Variants in SGTA observed in about 807,000 individuals in gnomAD.
The protein encoded by SGTA is small glutamine rich tetratricopeptide repeat co-chaperone alpha.
In SGTA, 22 loss-of-function variants were observed where a neutral mutation model predicts 44.3. The observed-to-expected ratio is 0.50, with a 90% confidence interval of 0.36 to 0.71. The LOEUF (loss-of-function observed/expected upper bound fraction) is 0.71. Ranked by LOEUF, SGTA falls within the 30% of genes least tolerant of loss-of-function variation. The probability of loss-of-function intolerance (pLI) is 0.00; values close to 1 mark genes in which losing one functional copy is unlikely to be tolerated. For synonymous variants in SGTA, 174 were observed against 177.6 expected (o/e 0.98, Z 0.16); for missense variants, 341 against 435.9 (o/e 0.78, Z 1.94).
rs1201302362 is a variant in SGTA at position 2,755,779 on chromosome 19, G to A, written c.*161C>T. The A allele has an allele frequency of 4.1e-6, 4 of 985,456 alleles. No homozygotes were observed. Among genetic ancestry groups the A allele is most frequent in the Admixed American group, 6.1e-5 (1 of 16,264 alleles). 61.0% of individuals were successfully genotyped at this position (985,456 alleles called of 1,614,324 possible). A position where few individuals can be genotyped will look rare whatever the true frequency, so the allele number is the denominator to read the frequency against. On this transcript the variant is annotated 3_prime_UTR_variant, in exon 12 of 12. Coordinates refer to ENST00000221566, the MANE Select transcript of SGTA (RefSeq NM_003021.4). The surrounding 1 kb of genome is among the most constrained non-coding windows in gnomAD (Gnocchi z 5.2). Reference sequence around the variant, plus strand: ...AAGGGAGTTACAAAAAGGGAGTGGAGGAGGGCAGAGATAAAAGGGGAAAAT... The same window carrying A: ...AAGGGAGTTACAAAAAGGGAGTGGAAGAGGGCAGAGATAAAAGGGGAAAAT...
rs926261782 is a variant in SGTA, at chr19:2,767,864, G to A, written c.101-178C>T. 2.0e-5 allele frequency among the ~76,000 whole-genome samples: 3 copies of A among 152,146 alleles called. No homozygotes were observed. The highest frequency in any genetic ancestry group is 4.8e-5 in the African/African-American group (2 of 41,430). ...GGGACAGTGGACCCTCTTCCTTCCC[G>A]AAAAGAAAAGCCAGACAGAGACGCC... On this transcript the variant is annotated intron_variant, in intron 2 of 11. Coordinates refer to ENST00000221566, the MANE Select transcript of SGTA (RefSeq NM_003021.4). This position sits in a 1 kb window ranked among gnomAD's most constrained non-coding sequence, Gnocchi z 7.3.
chr19:2,770,055 GCCTGGTTCCCCCCCGGATACCCT>G (rs1915261548), intron 1 of SGTA: 1 of 52,704 alleles, frequency 1.9e-5, no homozygotes, highest in African/African-American at 8.1e-5. Context: ...TCGGACACCC[GCCTGGTTCCCCCCCGGATACCCT>G]CCTGGATGCC....
Position 2,755,770 on chromosome 19 carries a change from G to A in SGTA, c.*170C>T. ...GGGGGCTGTAAGGGAGTTACAAAAAGGGAGTGGAGGAGGGCAGAGATAAAA... is the reference window on the plus strand; with the variant it reads ...GGGGGCTGTAAGGGAGTTACAAAAAAGGAGTGGAGGAGGGCAGAGATAAAA... On this transcript the variant is annotated 3_prime_UTR_variant, in exon 12 of 12. Transcript: ENST00000221566. The surrounding 1 kb of genome is among the most constrained non-coding windows in gnomAD (Gnocchi z 5.2). The A allele has an allele frequency of 1.0e-6, 1 of 985,558 alleles. No homozygotes were observed. The highest frequency in any genetic ancestry group is 4.7e-5 in the South Asian group (1 of 21,284). The allele number at this position is 985,558 out of a possible 1,614,324, so 61.1% of individuals were successfully genotyped here.
At chr19:2,773,198 G>A (rs1405193684) in intron 1 of SGTA, among the ~76,000 whole-genome samples, 1 of 6,152 alleles carries the variant, frequency 1.6e-4, no homozygotes, top group Non-Finnish European at 2.7e-4. Flanking sequence ...CCACACGGCA[G>A]GGACACCGAG....
intron 8 of SGTA, chr19:2,759,516 C>A: frequency 1.8e-6 from 1 of 560,274 alleles, no homozygotes; most frequent in Non-Finnish European, 3.2e-6. Flanking sequence ...TTTTGGGTTC[C>A]TGCTTCAGGA....
intron 6 of SGTA, 114 bp from the exon 7 acceptor site, chr19:2,762,758 A>AC (rs1915035598): frequency 1.6e-6 from 2 of 1,248,630 alleles, no homozygotes. Flanking sequence ...GGATGGTGCC[A>AC]CCCCCTGCCC....
chr19:2,778,219 G>C (rs1006013167), intron 1 of SGTA, among the ~76,000 whole-genome samples: 2 of 152,048 alleles, frequency 1.3e-5, no homozygotes, highest in African/African-American at 4.8e-5. Context: ...GGTGTGGGGG[G>C]CAGGGGTGTG....
In SGTA at chr19:2,757,700, T is replaced by C; in HGVS notation, c.820A>G (p.Ile274Val). The change falls in exon 10 of 12, where the codon ATC (isoleucine) becomes GTC (valine). Residue 274 changes from isoleucine (I) to valine (V), a missense_variant. Coordinates refer to ENST00000221566, the MANE Select transcript of SGTA (RefSeq NM_003021.4). ...SPSQNDLASL[I>V]QAGQQFAQQM... ...GGAAGCAGTTCCACTCACGCCTGGA[T>C]GAGGCTGGCCAGGTCGTTCTGCGAG... The C allele has an allele frequency of 6.3e-7, 1 of 1,581,800 alleles. No homozygotes were observed. The highest frequency in any genetic ancestry group is 8.6e-7 in the Non-Finnish European group (1 of 1,165,540).
rs140102716 is a variant in SGTA, at chr19:2,761,921, A to C, written c.637-399T>G. Among the ~76,000 whole-genome samples the C allele has an allele frequency of 2.9e-3, 424 of 146,340 alleles. 4 individuals are homozygous for C. Among genetic ancestry groups the C allele is most frequent in the African/African-American group, 0.011 (411 of 37,154 alleles). The stretch of plus-strand genomic sequence containing the variant: ...CGACCGCCCGGGGACGGCACAGTCT[A>C]TCATCCCGTGTTGATTTCCTGTATT... On this transcript the variant is annotated intron_variant, in intron 7 of 11. Coordinates refer to ENST00000221566, the MANE Select transcript of SGTA (RefSeq NM_003021.4). The surrounding 1 kb of genome is among the most constrained non-coding windows in gnomAD (Gnocchi z 5.7).
intron 1 of SGTA, among the ~76,000 whole-genome samples, chr19:2,777,112 G>A (rs1455653796): frequency 1.3e-5 from 2 of 151,146 alleles, no homozygotes; most frequent in African/African-American, 4.9e-5. Flanking sequence ...ATAGCCGGTC[G>A]TAGTGGTGCG....
In SGTA at chr19:2,776,962, C is replaced by CA. The variant is rs200520057; in HGVS notation, c.-24+6270dup. Among the ~76,000 whole-genome samples, 152 of 141,454 alleles carry CA rather than the reference C, an allele frequency of 1.1e-3. 1 individual carries two copies. The highest frequency in any genetic ancestry group is 2.6e-3 in the Admixed American group (37 of 14,126). The allele number at this position is 141,454 out of a possible 152,430, so 92.8% of individuals were successfully genotyped here. A position where few individuals can be genotyped will look rare whatever the true frequency, so the allele number is the denominator to read the frequency against. The stretch of plus-strand genomic sequence containing the variant: ...TGGGTGGCAGAGCAAAACTCCGTCT[C>CA]AAAAAAAAAAGAAAGACTGGTCGGG... On this transcript the variant is annotated intron_variant, in intron 1 of 11. Coordinates refer to ENST00000221566, the MANE Select transcript of SGTA (RefSeq NM_003021.4).
chr19:2,756,802 C>G (rs1389589052), intron 11 of SGTA, among the ~76,000 whole-genome samples: 1 of 152,108 alleles, frequency 6.6e-6, no homozygotes, highest in African/African-American at 2.4e-5. Context: ...ATGGGGGACA[C>G]TGAGTGTATT....
chr19:2,761,665 G>A lies in SGTA; in HGVS notation c.637-143C>T. 4 of 700,478 alleles carry A rather than the reference G, an allele frequency of 5.7e-6. No individual in the cohort carries two copies. Among genetic ancestry groups the A allele is most frequent in the Non-Finnish European group, 9.9e-6 (4 of 404,648 alleles). The allele number at this position is 700,478 out of a possible 1,614,324, so 43.4% of individuals were successfully genotyped here. A position where few individuals can be genotyped will look rare whatever the true frequency, so the allele number is the denominator to read the frequency against. On this transcript the variant is annotated intron_variant, in intron 7 of 11. Coordinates refer to ENST00000221566, the MANE Select transcript of SGTA (RefSeq NM_003021.4). This position sits in a 1 kb window ranked among gnomAD's most constrained non-coding sequence, Gnocchi z 5.7. ...GCCAGAGGGTGCTTTGAGGCAGGCA[G>A]CACGAAGCACATCGCAACCGCCCGG...
Position 2,777,175 on chromosome 19 carries a change from C to T in SGTA, c.-24+6058G>A, listed in dbSNP as rs552116118. 4.0e-5 allele frequency among the ~76,000 whole-genome samples: 6 copies of T among 151,130 alleles called. No homozygotes were observed. The East Asian group carries it at 7.7e-4, about 19-fold the overall frequency. ...CTGAGGCAGGAGAATCACTTGAACT[C>T]GGGAGGTGGAGGTTGCCGTGAGCCA... On this transcript the variant is annotated intron_variant, in intron 1 of 11. Coordinates refer to ENST00000221566, the MANE Select transcript of SGTA (RefSeq NM_003021.4).
At chr19:2,772,194 C>T (rs1472403522) in intron 1 of SGTA, among the ~76,000 whole-genome samples, 12 of 152,340 alleles carry the variant, frequency 7.9e-5, no homozygotes, top group South Asian at 2.1e-4. Context: ...TGAGATCAGA[C>T]GCTCGGATTC....
chr19:2,756,132 G>A (rs1314706804), intron 11 of SGTA, among the ~76,000 whole-genome samples, 199 bp from the exon 12 acceptor site: 2 of 152,028 alleles, frequency 1.3e-5, no homozygotes, highest in South Asian at 2.1e-4. Flanking sequence ...AGAGAACATC[G>A]CCATGACCTA....
At position 2,761,040 on chromosome 19, in the gene SGTA, G is replaced by C. The variant is rs146942751; in HGVS notation, c.699+420C>G. 1.3e-5 allele frequency among the ~76,000 whole-genome samples: 2 copies of C among 152,340 alleles called. No homozygotes were observed. The highest frequency in any genetic ancestry group is 3.9e-4 in the East Asian group (2 of 5,178). ...AGGTCCACCTGCGCCCGGCGCACCC[G>C]GCGCTCTGCTTCCCTTGCCTGAACC... On this transcript the variant is annotated intron_variant, in intron 8 of 11. Transcript: ENST00000221566. The surrounding 1 kb of genome is among the most constrained non-coding windows in gnomAD (Gnocchi z 5.7).
chr19:2,758,177 C>T (rs1006103484), intron 9 of SGTA, among the ~76,000 whole-genome samples: 4 of 152,154 alleles, frequency 2.6e-5, no homozygotes, highest in Non-Finnish European at 4.4e-5. Flanking sequence ...CGGCCCTGCT[C>T]CAGAAACTGG....
At chr19:2,759,544 C>T in intron 8 of SGTA, 1 of 525,758 alleles carries the variant, frequency 1.9e-6, no homozygotes, top group South Asian at 2.3e-5. Context: ...CGCAGCGCCA[C>T]AGCGCTCTCT....
Sources: allele counts gnomAD v4.1 joint callset (sites outside exome capture counted in the v4.1 genomes callset), GRCh38; gene constraint gnomAD v4.1.1; non-coding constraint Gnocchi (gnomAD v3.1); transcripts MANE v1.5; gene names NCBI Gene and HGNC (gene_info 2026-07-23, HGNC 2026-07-21).